CEMIP: variants seen among roughly 807,000 people sequenced by gnomAD.
CEMIP encodes the protein cell migration inducing hyaluronidase 1, also known as cell migration-inducing and hyaluronan-binding protein.
In CEMIP, 105 loss-of-function variants were observed where a neutral mutation model predicts 156.9. The observed-to-expected ratio is 0.67, with a 90% CI of 0.57 to 0.79. The LOEUF is 0.79. Ranked by LOEUF, CEMIP falls within the 30% of genes least tolerant of loss-of-function variation. The probability of loss-of-function intolerance (pLI) is 0.00; values close to 1 mark genes in which losing one functional copy is unlikely to be tolerated. For missense variants in CEMIP, 1,457 were observed against 1,769.4 expected (o/e 0.82, Z 3.17); for synonymous variants, 676 against 668.4 (o/e 1.01, Z -0.17).
intron 1 of CEMIP, among the ~76,000 whole-genome samples, chr15:80,796,974 AC>A (rs1435182866): frequency 2.6e-5 from 4 of 152,298 alleles, no homozygotes; most frequent in African/African-American, 9.6e-5. Context: ...CAATCAGATA[AC>A]CTGGTACATT....
chr15:80,786,015 C>A (rs1192302867), intron 1 of CEMIP, among the ~76,000 whole-genome samples: 1 of 151,890 alleles, frequency 6.6e-6, no homozygotes, highest in Non-Finnish European at 1.5e-5. Context: ...GCTTTTTTTG[C>A]GATAAAATCT....
At chr15:80,840,178 G>T (rs1253872861) in intron 1 of CEMIP, among the ~76,000 whole-genome samples, 1 of 152,230 alleles carries the variant, frequency 6.6e-6, no homozygotes, top group Non-Finnish European at 1.5e-5. Flanking sequence ...GACCCCGGGG[G>T]ATCAGTGTTC....
At position 80,949,014 on chromosome 15, in the gene CEMIP, C is replaced by T. The variant is rs1901696579; in HGVS notation, c.*90C>T. On this transcript the variant is annotated 3_prime_UTR_variant, in exon 30 of 30. Transcript: ENST00000394685. The stretch of plus-strand genomic sequence containing the variant: ...TGGGGGATGGCTGGGTCCCCCAGCC[C>T]CTGCCAGCAGCTGCCTGGGAAGGCC... 2 of 1,536,194 alleles carry T rather than the reference C, an allele frequency of 1.3e-6. No homozygotes were observed. The highest frequency in any genetic ancestry group is 2.2e-5 in the East Asian group (1 of 44,472).
chr15:80,823,955 A>G (rs1896967928), intron 1 of CEMIP, among the ~76,000 whole-genome samples: 1 of 151,930 alleles, frequency 6.6e-6, no homozygotes, highest in South Asian at 2.1e-4. Context: ...CTGGGATTTA[A>G]CCCCCAATGT....
intron 1 of CEMIP, among the ~76,000 whole-genome samples, chr15:80,785,750 G>A (rs547415625): frequency 1.3e-5 from 2 of 152,246 alleles, no homozygotes; most frequent in South Asian, 4.2e-4. Flanking sequence ...AGCTCAGAAA[G>A]GCCTAAACCC....
intron 5 of CEMIP, 107 bp downstream of exon 5, chr15:80,879,961 G>A: frequency 1.6e-6 from 2 of 1,262,746 alleles, no homozygotes; most frequent in Admixed American, 1.9e-5. Context: ...TGTAAGATAG[G>A]AATCATTCTG....
At position 80,909,228 on chromosome 15, in the gene CEMIP, A is replaced by G; in HGVS notation, c.1719A>G (p.Pro573=). 6.2e-7 allele frequency: 1 copy of G among 1,613,940 alleles called. No homozygotes were observed. Residue 573 remains proline (P), a synonymous_variant, in exon 14 of 30, where the codon CCA becomes CCG. Coordinates refer to ENST00000394685, the MANE Select transcript of CEMIP (RefSeq NM_001293298.2). ...GDVDERGGYD[P]PTYIRDLSIH... ...TAGACGAAAGGGGAGGTTATGACCC[A>G]CCCACATACATCAGGGACCTCTCCA...
At chr15:80,947,263 G>A in intron 29 of CEMIP, 198 bp downstream of exon 29, 1 of 533,748 alleles carries the variant, frequency 1.9e-6, no homozygotes. Context: ...CCCCTGCACT[G>A]CAGCAAATTT....
intron 1 of CEMIP, among the ~76,000 whole-genome samples, chr15:80,860,110 G>C (rs763471147): frequency 6.6e-6 from 1 of 152,154 alleles, no homozygotes; most frequent in Non-Finnish European, 1.5e-5. Context: ...TGCTTTCAAG[G>C]CCTCTGGATG....
intron 19 of CEMIP, among the ~76,000 whole-genome samples, chr15:80,927,476 T>C (rs1001361504): frequency 3.9e-5 from 6 of 152,200 alleles, no homozygotes; most frequent in African/African-American, 1.4e-4. Context: ...TTCTTTGCAA[T>C]ATCCTAAGTT....
At chr15:80,877,429 C>T (rs1222132322) in intron 3 of CEMIP, among the ~76,000 whole-genome samples, 3 of 152,174 alleles carry the variant, frequency 2.0e-5, no homozygotes, top group Admixed American at 6.5e-5. Context: ...CTTACCTGCA[C>T]GTCACCTTCC....
At chr15:80,941,701 G>A in intron 25 of CEMIP, 148 bp from the exon 26 acceptor site, 4 of 712,624 alleles carry the variant, frequency 5.6e-6, no homozygotes, top group Admixed American at 2.1e-5. Context: ...CCAACTACAT[G>A]CAACTCGGTG....
intron 5 of CEMIP, 78 bp from the exon 6 acceptor site, chr15:80,880,822 A>C (rs1188393207): frequency 8.4e-7 from 1 of 1,189,926 alleles, no homozygotes; most frequent in African/African-American, 1.5e-5. Context: ...CTGAGCTGTG[A>C]CTCCTAGGTT....
chr15:80,857,484 T>G (rs1261908415), intron 1 of CEMIP, among the ~76,000 whole-genome samples: 2 of 152,044 alleles, frequency 1.3e-5, no homozygotes, highest in East Asian at 3.9e-4. Context: ...GGAAGGAGAA[T>G]GGAAAGAGAT....
At chr15:80,901,228 TA>T (rs1360100830) in intron 12 of CEMIP, among the ~76,000 whole-genome samples, 14 of 152,172 alleles carry the variant, frequency 9.2e-5, no homozygotes, top group African/African-American at 3.4e-4. Flanking sequence ...GTACTTCACA[TA>T]AACCATCTTG....
chr15:80,943,735 G>A (rs113435778), intron 28 of CEMIP, among the ~76,000 whole-genome samples: 8 of 152,034 alleles, frequency 5.3e-5, no homozygotes, highest in Non-Finnish European at 1.2e-4. Flanking sequence ...CCTCCACAGC[G>A]TCCTCTCTTC....
At chr15:80,790,756 T>C (rs976748087) in intron 1 of CEMIP, among the ~76,000 whole-genome samples, 1 of 152,210 alleles carries the variant, frequency 6.6e-6, no homozygotes, top group South Asian at 2.1e-4. Flanking sequence ...TAGAGTTGAA[T>C]TCGTTGAGAG....
chr15:80,819,851 T>A (rs923516639), intron 1 of CEMIP, among the ~76,000 whole-genome samples: 1 of 152,170 alleles, frequency 6.6e-6, no homozygotes, highest in Admixed American at 6.5e-5. Flanking sequence ...ATTTTGTGGA[T>A]GGAGGAAACT....
chr15:80,794,353 GTCAGC>G (rs1176892737), intron 1 of CEMIP, among the ~76,000 whole-genome samples: 1 of 152,098 alleles, frequency 6.6e-6, no homozygotes, highest in Non-Finnish European at 1.5e-5. Context: ...GTTTACTGAA[GTCAGC>G]TTATAATATT....
Sources: gnomAD v4.1 joint callset for allele counts (sites outside exome capture counted in the v4.1 genomes callset) on GRCh38, gnomAD v4.1.1 for gene constraint, MANE v1.5 for transcripts, NCBI Gene and HGNC (gene_info 2026-07-23, HGNC 2026-07-21) for gene names.